The following GALNTL6 variants were observed in gnomAD, a reference collection of about 807,000 sequenced individuals.
GALNTL6 encodes polypeptide N-acetylgalactosaminyltransferase like 6.
Under a neutral mutation model 73.7 loss-of-function variants are expected in GALNTL6, and 46 were observed. That is an observed-to-expected ratio of 0.62 (90% confidence interval 0.49 to 0.80). GALNTL6 has a LOEUF of 0.80. Ranked by LOEUF, GALNTL6 falls within the 30% of genes least tolerant of loss-of-function variation. The probability of loss-of-function intolerance (pLI) is 0.00; values close to 1 mark genes in which losing one functional copy is unlikely to be tolerated. For synonymous variants in GALNTL6, 259 were observed against 263.7 expected, an observed-to-expected ratio of 0.98 and a Z score of 0.17; for missense variants, 604 against 755.0, an observed-to-expected ratio of 0.80 and a Z score of 2.34.
chr4:172,730,622 T>A (rs1031178554), intron 5 of GALNTL6, among the ~76,000 whole-genome samples: 1 of 152,218 alleles, frequency 6.6e-6, no homozygotes, highest in Admixed American at 6.5e-5. Context: ...TGCATTTGGT[T>A]TGCTGGTATT....
chr4:171,920,708 A>G (rs2110978106), intron 2 of GALNTL6, among the ~76,000 whole-genome samples: 1 of 152,296 alleles, frequency 6.6e-6, no homozygotes, highest in Non-Finnish European at 1.5e-5. Context: ...ATCGATACAA[A>G]TACATACACA....
chr4:172,730,373 T>C (rs958158355), intron 5 of GALNTL6, among the ~76,000 whole-genome samples: 99 of 152,348 alleles, frequency 6.5e-4, no homozygotes, highest in African/African-American at 2.2e-3. Context: ...GGGTTTGTCT[T>C]AGATGGCCTT....
intron 10 of GALNTL6, among the ~76,000 whole-genome samples, chr4:172,966,171 C>T (rs375069855): frequency 6.4e-4 from 97 of 152,164 alleles, no homozygotes; most frequent in African/African-American, 7.0e-4. Flanking sequence ...ATAATTTTTC[C>T]GGTCTCGGAC....
intron 2 of GALNTL6, among the ~76,000 whole-genome samples, chr4:172,054,574 T>C (rs1027620386): frequency 3.3e-5 from 5 of 152,120 alleles, no homozygotes; most frequent in African/African-American, 1.2e-4. Context: ...TTTTCACATG[T>C]TGGAAAGGGC....
In GALNTL6 at chr4:173,018,149, T is replaced by TGTGC. The variant is rs1752857208; in HGVS notation, c.1489-3327_1489-3326insGTGC. Reference sequence around the variant, plus strand: ...GTTCCTGCATTGGTTGGACTGCCTATAGTACAAGGGAAATGTGCTATTTAA... The same window carrying TGTGC: ...GTTCCTGCATTGGTTGGACTGCCTATGTGCAGTACAAGGGAAATGTGCTATTTAA... On this transcript the variant is annotated intron_variant, in intron 11 of 12. Coordinates refer to ENST00000506823, the MANE Select transcript of GALNTL6 (RefSeq NM_001034845.3). 2.0e-5 allele frequency among the ~76,000 whole-genome samples: 3 copies of TGTGC among 152,328 alleles called. No individual in the cohort carries two copies. The South Asian group carries it at 6.2e-4, about 32-fold the overall frequency.
intron 5 of GALNTL6, among the ~76,000 whole-genome samples, chr4:172,557,584 T>C (rs1252556639): frequency 1.3e-5 from 2 of 152,114 alleles, no homozygotes; most frequent in Admixed American, 6.5e-5. Flanking sequence ...ACAAAAGACT[T>C]GAACAGAAAC....
chr4:172,024,791 T>A (rs1289460978), intron 2 of GALNTL6, among the ~76,000 whole-genome samples: 1 of 151,904 alleles, frequency 6.6e-6, no homozygotes, highest in Non-Finnish European at 1.5e-5. Context: ...GAAGTGCTAT[T>A]GTCTTCCTTA....
intron 8 of GALNTL6, among the ~76,000 whole-genome samples, chr4:172,898,620 C>A (rs1746461722): frequency 6.6e-6 from 1 of 151,976 alleles, no homozygotes; most frequent in African/African-American, 2.4e-5. Flanking sequence ...CCAGTTATTG[C>A]TGAGGGAAAA....
At chr4:172,167,532 A>T (rs533306860) in intron 2 of GALNTL6, among the ~76,000 whole-genome samples, 2 of 152,382 alleles carry the variant, frequency 1.3e-5, no homozygotes, top group East Asian at 3.9e-4. Flanking sequence ...TGAAGAATTC[A>T]GTTTGGTAAT....
intron 5 of GALNTL6, among the ~76,000 whole-genome samples, chr4:172,525,066 A>G (rs1279244207): frequency 1.3e-5 from 2 of 152,192 alleles, no homozygotes; most frequent in South Asian, 2.1e-4. Context: ...TTGCAGTTAC[A>G]TAAATCAATT....
At chr4:172,084,162 T>A (rs1214328901) in intron 2 of GALNTL6, among the ~76,000 whole-genome samples, 2 of 151,986 alleles carry the variant, frequency 1.3e-5, no homozygotes, top group Admixed American at 1.3e-4. Flanking sequence ...AACCTGGGAG[T>A]TTGTCTAATG....
chr4:172,613,796 A>G (rs777988567), intron 5 of GALNTL6, among the ~76,000 whole-genome samples: 1 of 152,050 alleles, frequency 6.6e-6, no homozygotes, highest in African/African-American at 2.4e-5. Context: ...TTCCTCTGCT[A>G]TTTACTTTGA....
intron 5 of GALNTL6, among the ~76,000 whole-genome samples, chr4:172,720,733 A>G (rs947401430): frequency 6.6e-6 from 1 of 151,878 alleles, no homozygotes; most frequent in Non-Finnish European, 1.5e-5. Context: ...GCCTTATTCA[A>G]TGCATTACTC....
intron 8 of GALNTL6, among the ~76,000 whole-genome samples, chr4:172,883,430 A>G (rs1745563005): frequency 6.6e-6 from 1 of 152,220 alleles, no homozygotes; most frequent in African/African-American, 2.4e-5. Context: ...GGGCTTCAGG[A>G]AGCTTTTAAT....
chr4:172,538,770 T>G (rs1378903316), intron 5 of GALNTL6, among the ~76,000 whole-genome samples: 1 of 152,140 alleles, frequency 6.6e-6, no homozygotes, highest in Non-Finnish European at 1.5e-5. Flanking sequence ...AAAGGCATTC[T>G]AGAAACTTGC....
At chr4:172,298,807 G>C (rs1010993006) in intron 3 of GALNTL6, among the ~76,000 whole-genome samples, 4 of 152,150 alleles carry the variant, frequency 2.6e-5, no homozygotes, top group African/African-American at 4.8e-5. Context: ...ATGTTCATGA[G>C]GGATATTGGT....
chr4:173,025,257 A>G (rs1753185895), intron 12 of GALNTL6, among the ~76,000 whole-genome samples: 2 of 152,124 alleles, frequency 1.3e-5, no homozygotes, highest in South Asian at 4.1e-4. Context: ...TTCTTTTACC[A>G]CCAGGGGGAC....
chr4:172,918,201 G>A (rs1747624025), intron 8 of GALNTL6, among the ~76,000 whole-genome samples: 1 of 152,090 alleles, frequency 6.6e-6, no homozygotes, highest in South Asian at 2.1e-4. Context: ...AGAACACTTG[G>A]ACACAGAGTG....
intron 2 of GALNTL6, among the ~76,000 whole-genome samples, chr4:172,180,726 T>G (rs950325569): frequency 4.6e-5 from 7 of 152,196 alleles, no homozygotes; most frequent in Non-Finnish European, 1.0e-4. Context: ...CATTGCTTGT[T>G]TTTGTCAGGT....
Sources: gnomAD v4.1 joint callset for allele counts (sites outside exome capture counted in the v4.1 genomes callset) on GRCh38, gnomAD v4.1.1 for gene constraint, MANE v1.5 for transcripts, NCBI Gene and HGNC (gene_info 2026-07-23, HGNC 2026-07-21) for gene names.